The following DMXL1 variants were observed in gnomAD, a reference collection of about 807,000 sequenced individuals.
DMXL1 encodes Dmx like 1.
A neutral mutation model predicts 319.2 loss-of-function variants in DMXL1; 99 were observed. That is an observed-to-expected ratio of 0.31 (90% confidence interval 0.26 to 0.37). The LOEUF (loss-of-function observed/expected upper bound fraction) is 0.37, where lower values mean the gene tolerates loss of function less well. Among genes scored for constraint, DMXL1 ranks in the 10% least tolerant of loss-of-function variants. DMXL1 has a pLI of 1.00. For synonymous variants in DMXL1, 1,385 were observed against 1,235.2 expected (o/e 1.12, Z -2.54); for missense variants, 3,745 against 3,595.6 (o/e 1.04, Z -1.06).
chr5:119,102,121 C>T, intron 3 of DMXL1, 115 bp downstream of exon 3: 1 of 532,564 alleles, frequency 1.9e-6, no homozygotes, highest in Non-Finnish European at 3.3e-6. Flanking sequence ...GTAATTGAAC[C>T]TACATGTTAA....
intron 38 of DMXL1, among the ~76,000 whole-genome samples, chr5:119,230,614 G>T (rs890279965): frequency 2.0e-5 from 3 of 152,318 alleles, no homozygotes; most frequent in East Asian, 3.9e-4. Flanking sequence ...CGGGCACAGT[G>T]GCTCACGCCT....
In DMXL1 at chr5:119,167,820, G is replaced by T. The variant is rs892478627; in HGVS notation, c.5354G>T (p.Gly1785Val). 3 of 1,613,314 alleles carry T rather than the reference G, an allele frequency of 1.9e-6. No individual in the cohort carries two copies. The change falls in exon 23 of 44, where the codon GGT becomes GTT. Residue 1785 changes from glycine to valine, a missense_variant. Gly to Val is a moderately radical substitution (Grantham distance 109). Coordinates refer to ENST00000539542, the MANE Select transcript of DMXL1 (RefSeq NM_001290321.3). The part of the protein sequence containing the change: ...MAYWILEDYS[G>V]ALETLIKQPI... ...TATTGGATTTTGGAAGATTATAGTG[G>T]TGCTCTGGAAACATTAATAAAGCAA...
At chr5:119,151,280 G>T (rs1038582218) in intron 18 of DMXL1, among the ~76,000 whole-genome samples, 1 of 151,806 alleles carries the variant, frequency 6.6e-6, no homozygotes, top group African/African-American at 2.4e-5. Context: ...AAAATCTCAA[G>T]TAAGTTCTGA....
Position 119,098,238 on chromosome 5 carries a change from G to C in DMXL1, c.213+134G>C, listed in dbSNP as rs959185180. 6.0e-6 allele frequency: 6 copies of C among 1,004,548 alleles called. No individual in the cohort carries two copies. In the African/African-American group the frequency reaches 1.0e-4, roughly 17 times the overall value. 62.2% of individuals were successfully genotyped at this position (1,004,548 alleles called of 1,614,324 possible). A position where few individuals can be genotyped will look rare whatever the true frequency, so the allele number is the denominator to read the frequency against. ...AGATAGTGTAGCTAGAAGAATTTTT[G>C]GCTGTCTAAGATGCATTCTATAGAG... On this transcript the variant is annotated intron_variant, in intron 2 of 43. Coordinates refer to ENST00000539542, the MANE Select transcript of DMXL1 (RefSeq NM_001290321.3).
chr5:119,073,751 C>T (rs1314097364), intron 1 of DMXL1, among the ~76,000 whole-genome samples: 2 of 152,136 alleles, frequency 1.3e-5, no homozygotes, highest in Non-Finnish European at 2.9e-5. Flanking sequence ...AAGGATTTAA[C>T]AGTCATGGTT....
At chr5:119,238,228 T>G (rs1788113992) in intron 40 of DMXL1, among the ~76,000 whole-genome samples, 1 of 152,088 alleles carries the variant, frequency 6.6e-6, no homozygotes, top group Non-Finnish European at 1.5e-5. Flanking sequence ...TTTTGTCTGT[T>G]TTAAGGACAC....
intron 7 of DMXL1, among the ~76,000 whole-genome samples, chr5:119,117,359 A>C (rs762603863): frequency 1.1e-4 from 17 of 152,144 alleles, no homozygotes; most frequent in Admixed American, 2.6e-4. Context: ...ATTTTGTACT[A>C]TATGGCCATT....
chr5:119,236,975 A>G (rs1382866462), intron 39 of DMXL1: 2 of 153,376 alleles, frequency 1.3e-5, no homozygotes, highest in African/African-American at 2.4e-5. Flanking sequence ...ATCTTTCTGG[A>G]AATGAACAGT....
chr5:119,080,888 A>T (rs556150115), intron 1 of DMXL1, among the ~76,000 whole-genome samples: 2 of 152,246 alleles, frequency 1.3e-5, no homozygotes, highest in African/African-American at 4.8e-5. Context: ...AAGCCATTTC[A>T]CAAGCTCTTC....
chr5:119,146,789 G>A, intron 15 of DMXL1, 48 bp from the exon 16 acceptor site: 3 of 1,496,682 alleles, frequency 2.0e-6, no homozygotes, highest in African/African-American at 1.4e-5. Context: ...TTAGCAAGTT[G>A]TCTCTTTTAC....
At chr5:119,072,874 G>C (rs905372614) in intron 1 of DMXL1, among the ~76,000 whole-genome samples, 4 of 152,154 alleles carry the variant, frequency 2.6e-5, no homozygotes, top group Non-Finnish European at 5.9e-5. Context: ...TGAGCTCTGA[G>C]GGTCCCAGTG....
In DMXL1 at chr5:119,147,156, T is replaced by G. The variant is rs1466836651; in HGVS notation, c.2690-93T>G. 4.1e-6 allele frequency: 5 copies of G among 1,211,996 alleles called. No homozygotes were observed. In the East Asian group the frequency reaches 9.8e-5, roughly 24 times the overall value. 75.1% of individuals were successfully genotyped at this position (1,211,996 alleles called of 1,614,324 possible). A position where few individuals can be genotyped will look rare whatever the true frequency, so the allele number is the denominator to read the frequency against. ...ATTAATATGTTTACTATTTTATCTT[T>G]TACAAGGCAGTTTTGGATTGTAAAA... On this transcript the variant is annotated intron_variant, in intron 16 of 43. Coordinates refer to ENST00000539542, the MANE Select transcript of DMXL1 (RefSeq NM_001290321.3).
intron 2 of DMXL1, among the ~76,000 whole-genome samples, chr5:119,100,398 T>C (rs968434655): frequency 6.6e-6 from 1 of 150,936 alleles, no homozygotes; most frequent in Non-Finnish European, 1.5e-5. Flanking sequence ...ATCGTGCCAC[T>C]GCATTTCAAC....
At chr5:119,205,693 C>A (rs1461646661) in intron 33 of DMXL1, among the ~76,000 whole-genome samples, 1 of 151,556 alleles carries the variant, frequency 6.6e-6, no homozygotes, top group Non-Finnish European at 1.5e-5. Flanking sequence ...AAAATAGTGT[C>A]TTTTTGATAG....
intron 42 of DMXL1, among the ~76,000 whole-genome samples, chr5:119,241,626 T>C (rs988052007): frequency 1.3e-5 from 2 of 152,118 alleles, no homozygotes; most frequent in African/African-American, 4.8e-5. Flanking sequence ...ATCAAGCAAT[T>C]CAACTTTTTT....
intron 1 of DMXL1, among the ~76,000 whole-genome samples, chr5:119,074,158 A>C (rs1750290503): frequency 6.6e-6 from 1 of 152,176 alleles, no homozygotes; most frequent in South Asian, 2.1e-4. Context: ...ACCTCAGGTG[A>C]TCCACCAGTC....
chr5:119,111,287 A>G (rs1231822979), intron 5 of DMXL1, among the ~76,000 whole-genome samples: 1 of 152,218 alleles, frequency 6.6e-6, no homozygotes, highest in Non-Finnish European at 1.5e-5. Flanking sequence ...CACTAATTAC[A>G]TGTTATTATT....
intron 34 of DMXL1, among the ~76,000 whole-genome samples, chr5:119,216,069 G>C (rs1783630751): frequency 9.0e-6 from 1 of 111,364 alleles, no homozygotes; most frequent in African/African-American, 3.5e-5. Context: ...CTGCCCTCCA[G>C]CCTGGGCGAC....
At chr5:119,142,351 C>T (rs1242606032) in intron 13 of DMXL1, among the ~76,000 whole-genome samples, 1 of 151,832 alleles carries the variant, frequency 6.6e-6, no homozygotes, top group Non-Finnish European at 1.5e-5. Flanking sequence ...AAGAGAAAAA[C>T]AGCTCCATCA....
Sources: gnomAD v4.1 joint callset for allele counts (sites outside exome capture counted in the v4.1 genomes callset) on GRCh38, gnomAD v4.1.1 for gene constraint, MANE v1.5 for transcripts, NCBI Gene and HGNC (gene_info 2026-07-23, HGNC 2026-07-21) for gene names.